Variants in CD44 observed in about 807,000 individuals in gnomAD.
The protein encoded by CD44 is CD44 molecule (IN blood group), also known as CD44 antigen.
Under a neutral mutation model 88.8 loss-of-function variants are expected in CD44, and 49 were observed. The ratio of observed to expected loss-of-function variants is 0.55; its 90% confidence interval spans 0.44 to 0.70. The LOEUF is 0.70. Ranked by LOEUF, CD44 falls within the 30% of genes least tolerant of loss-of-function variation. The pLI is 0.00. For synonymous variants in CD44, 325 were observed against 312.3 expected (o/e 1.04, Z -0.43); for missense variants, 883 against 913.8 (o/e 0.97, Z 0.43).
chr11:35,144,279 C>G (rs370129245), intron 1 of CD44, among the ~76,000 whole-genome samples: 1 of 152,156 alleles, frequency 6.6e-6, no homozygotes, highest in Non-Finnish European at 1.5e-5. Flanking sequence ...GTCACTCCAC[C>G]GAAGAGCCTG....
At chr11:35,219,514 C>A in intron 16 of CD44, 127 bp downstream of exon 16, 1 of 695,290 alleles carries the variant, frequency 1.4e-6, no homozygotes, top group South Asian at 1.6e-5. Context: ...TCCAATTGCT[C>A]CTCTTTACAA....
chr11:35,209,291 T>C (rs1468843367), intron 12 of CD44, among the ~76,000 whole-genome samples: 1 of 152,244 alleles, frequency 6.6e-6, no homozygotes, highest in African/African-American at 2.4e-5. Context: ...AGTTGATATA[T>C]GTCACTGAGG....
rs1189202897 is a variant in CD44, at chr11:35,214,900, G to A, written c.1859G>A (p.Gly620Glu). 1 of 1,557,548 alleles carries A rather than the reference G, an allele frequency of 6.4e-7. No homozygotes were observed. The highest frequency in any genetic ancestry group is 8.7e-7 in the Non-Finnish European group (1 of 1,152,372). Reference protein sequence around the residue: ...HPSGGSHTTHGSESDGHSHGS... With the variant: ...HPSGGSHTTHESESDGHSHGS... The stretch of plus-strand genomic sequence containing the variant: ...AGTGGGGGGTCCCATACCACTCATG[G>A]ATCTGAATCAGATGGTGAGTTCAAA... Residue 620 changes from glycine to glutamate, a missense_variant, in exon 15 of 18, where the codon GGA becomes GAA. Coordinates refer to ENST00000428726, the MANE Select transcript of CD44 (RefSeq NM_000610.4).
At chr11:35,222,271 G>T in intron 17 of CD44, 1 of 500,534 alleles carries the variant, frequency 2.0e-6, no homozygotes. Flanking sequence ...AGGAAGTATT[G>T]GCCTTGTGCT....
intron 1 of CD44, among the ~76,000 whole-genome samples, chr11:35,159,147 C>T (rs967914946): frequency 1.3e-5 from 2 of 152,198 alleles, no homozygotes. Flanking sequence ...TCCCTAGAAG[C>T]GCAAGCTTGG....
At chr11:35,186,519 CTA>C (rs3047476) in intron 3 of CD44, among the ~76,000 whole-genome samples, 8,382 of 152,216 alleles carry the variant, frequency 0.055, 320 homozygotes, top group South Asian at 0.17. Context: ...GGAGCCGTGT[CTA>C]TCTTATTTAA....
chr11:35,152,805 A>T (rs538879851), intron 1 of CD44, among the ~76,000 whole-genome samples: 2 of 152,264 alleles, frequency 1.3e-5, no homozygotes, highest in Non-Finnish European at 2.9e-5. Context: ...AAATGCATTC[A>T]GCCTGCCCTT....
intron 1 of CD44, among the ~76,000 whole-genome samples, chr11:35,151,510 A>C (rs762514234): frequency 2.6e-5 from 4 of 152,212 alleles, no homozygotes; most frequent in Non-Finnish European, 1.5e-5. Flanking sequence ...ATTTTAGCTC[A>C]AGGAACATTT....
intron 1 of CD44, among the ~76,000 whole-genome samples, chr11:35,173,676 A>G (rs1245193533): frequency 6.6e-6 from 1 of 152,194 alleles, no homozygotes; most frequent in African/African-American, 2.4e-5. Context: ...GATAATACAG[A>G]ATTTTAACAG....
chr11:35,148,716 C>T (rs1859702120), intron 1 of CD44, among the ~76,000 whole-genome samples: 1 of 152,218 alleles, frequency 6.6e-6, no homozygotes, highest in Non-Finnish European at 1.5e-5. Flanking sequence ...TTCATGATAG[C>T]CCTGAGCGGT....
chr11:35,215,733 G>A (rs1210998177), intron 15 of CD44, among the ~76,000 whole-genome samples: 3 of 151,636 alleles, frequency 2.0e-5, no homozygotes, highest in Non-Finnish European at 2.9e-5. Flanking sequence ...TTAGCCGGGC[G>A]TGGTCCTGCG....
chr11:35,163,780 T>A lies in CD44; in HGVS notation c.68-12795T>A, dbSNP rs567463183. Among the ~76,000 whole-genome samples the A allele has an allele frequency of 2.6e-5, 4 of 152,278 alleles. No homozygotes were observed. The South Asian group carries it at 6.2e-4, about 24-fold the overall frequency. On this transcript the variant is annotated intron_variant, in intron 1 of 17. Coordinates refer to ENST00000428726, the MANE Select transcript of CD44 (RefSeq NM_000610.4). ...ATTCTAACCCAAGATGTTAAAACTATCTGAGAAGAGGCATGATTCTGCTTC... is the reference window on the plus strand; with the variant it reads ...ATTCTAACCCAAGATGTTAAAACTAACTGAGAAGAGGCATGATTCTGCTTC...
chr11:35,202,281 A>T (rs1291642080), intron 9 of CD44, among the ~76,000 whole-genome samples: 1 of 152,158 alleles, frequency 6.6e-6, no homozygotes, highest in Non-Finnish European at 1.5e-5. Context: ...GGTAGCTCTT[A>T]TGGTCTTCAT....
rs573159937 is a variant in CD44 at position 35,148,526 on chromosome 11, C to T, written c.67+9156C>T. Among the ~76,000 whole-genome samples the T allele has an allele frequency of 2.3e-4, 35 of 152,312 alleles. No homozygotes were observed. In the South Asian group the frequency reaches 6.8e-3, roughly 30 times the overall value. On this transcript the variant is annotated intron_variant, in intron 1 of 17. Transcript: ENST00000428726. ...GAGGTCAGGTACATTCCTGTAGACT[C>T]CCTTAAGTGACTTGCTTTCTCCTAT...
chr11:35,206,670 G>GCA (rs1554971933), intron 11 of CD44, among the ~76,000 whole-genome samples: 1 of 142,428 alleles, frequency 7.0e-6, no homozygotes, highest in African/African-American at 2.7e-5. Flanking sequence ...GGGGGTTGGT[G>GCA]GGGGGGGCAG....
chr11:35,163,002 C>T (rs1273694520), intron 1 of CD44, among the ~76,000 whole-genome samples: 1 of 152,130 alleles, frequency 6.6e-6, no homozygotes, highest in East Asian at 1.9e-4. Context: ...CTGGTGATTT[C>T]TGAGTCCTCT....
Position 35,201,845 on chromosome 11 carries a change from C to T in CD44, c.1153+58C>T, listed in dbSNP as rs542204065. ...AGATGAATTAGTAAAGACATTCCAG[C>T]AATAGGGAAGATTTTGTTTAGAAAT... On this transcript the variant is annotated intron_variant, in intron 9 of 17. Coordinates refer to ENST00000428726, the MANE Select transcript of CD44 (RefSeq NM_000610.4). 7.2e-5 allele frequency: 112 copies of T among 1,559,814 alleles called. No individual in the cohort carries two copies. The African/African-American group carries it at 1.5e-3, about 21-fold the overall frequency.
chr11:35,211,284 C>T lies in CD44; in HGVS notation c.1645C>T (p.His549Tyr), dbSNP rs199718331. ...DVTGGRRDPN[H>Y]SEGSTTLLEG... ...CACAGGTGGAAGAAGAGACCCAAATCATTCTGAAGGCTCAACTACTTTACT... is the reference window on the plus strand; with the variant it reads ...CACAGGTGGAAGAAGAGACCCAAATTATTCTGAAGGCTCAACTACTTTACT... Residue 549 changes from histidine to tyrosine, a missense_variant, in exon 14 of 18, where the codon CAT becomes TAT. By Grantham distance (83) the His-to-Tyr change is moderately conservative. Transcript: ENST00000428726. 6.2e-7 allele frequency: 1 copy of T among 1,613,936 alleles called. No homozygotes were observed. Among genetic ancestry groups the T allele is most frequent in the Non-Finnish European group, 8.5e-7 (1 of 1,179,880 alleles).
intron 11 of CD44, 63 bp downstream of exon 11, chr11:35,206,306 A>G: frequency 6.7e-7 from 1 of 1,492,378 alleles, no homozygotes. Flanking sequence ...ACTGCTGACT[A>G]TTTTTCTAGA....
Sources: allele counts gnomAD v4.1 joint callset (sites outside exome capture counted in the v4.1 genomes callset), GRCh38; gene constraint gnomAD v4.1.1; transcripts MANE v1.5; gene names NCBI Gene and HGNC (gene_info 2026-07-23, HGNC 2026-07-21).